Variants in CDK14 observed in about 807,000 individuals in gnomAD.
CDK14 encodes the protein cyclin dependent kinase 14, also known as cyclin-dependent kinase 14.
In CDK14, 34 loss-of-function variants were observed where a neutral mutation model predicts 60.7. The ratio of observed to expected loss-of-function variants is 0.56; its 90% confidence interval spans 0.43 to 0.75. The LOEUF is 0.75. Among genes scored for constraint, CDK14 ranks in the 30% least tolerant of loss-of-function variants. The pLI, the probability that CDK14 is intolerant of heterozygous loss-of-function variation, is 0.00. For synonymous variants in CDK14, 197 were observed against 203.7 expected (o/e 0.97, Z 0.28); for missense variants, 482 against 564.1 (o/e 0.85, Z 1.47).
intron 2 of CDK14, among the ~76,000 whole-genome samples, chr7:90,692,105 C>T (rs1434638066): frequency 1.3e-5 from 2 of 152,122 alleles, no homozygotes; most frequent in Admixed American, 6.6e-5. Flanking sequence ...CTCCAATCTG[C>T]GAAATACATA....
At chr7:91,170,661 TGAA>T (rs766268435) in intron 14 of CDK14, among the ~76,000 whole-genome samples, 8 of 152,078 alleles carry the variant, frequency 5.3e-5, no homozygotes, top group Non-Finnish European at 1.2e-4. Flanking sequence ...TTATTTACAA[TGAA>T]GAATACCAAA....
At chr7:90,769,569 C>T (rs1468351854) in intron 4 of CDK14, among the ~76,000 whole-genome samples, 4 of 151,316 alleles carry the variant, frequency 2.6e-5, no homozygotes, top group Non-Finnish European at 4.4e-5. Context: ...TGGGTTTAAG[C>T]GATTCTCCTG....
chr7:91,194,402 A>G (rs941717586), intron 14 of CDK14, among the ~76,000 whole-genome samples: 56 of 152,218 alleles, frequency 3.7e-4, no homozygotes, highest in Admixed American at 3.6e-3. Flanking sequence ...GAATAAAACT[A>G]AAACAGCTTA....
intron 8 of CDK14, among the ~76,000 whole-genome samples, chr7:90,942,098 T>C (rs1793953466): frequency 6.6e-6 from 1 of 152,176 alleles, no homozygotes; most frequent in South Asian, 2.1e-4. Context: ...AGTGCTCTGC[T>C]CGGAGCTTAG....
rs139402483 is a variant in CDK14, at chr7:90,881,257, G to T, written c.639+17988G>T. On this transcript the variant is annotated intron_variant, in intron 6 of 14. Transcript: ENST00000380050. ...GTTTAGGGAGGAACATAAACGACCT[G>T]ATGGAGCTGAAAAACACCTCATGAG... 2.0e-5 allele frequency among the ~76,000 whole-genome samples: 3 copies of T among 152,300 alleles called. No individual in the cohort carries two copies. The East Asian group carries it at 5.8e-4, about 29-fold the overall frequency.
intron 14 of CDK14, among the ~76,000 whole-genome samples, chr7:91,173,409 A>C (rs938556443): frequency 6.6e-6 from 1 of 151,142 alleles, no homozygotes; most frequent in Non-Finnish European, 1.5e-5. Context: ...GCCTGGGCAA[A>C]AGAGTAAGAC....
intron 5 of CDK14, among the ~76,000 whole-genome samples, chr7:90,799,211 T>C (rs1487783400): frequency 6.6e-6 from 1 of 152,180 alleles, no homozygotes; most frequent in Non-Finnish European, 1.5e-5. Context: ...AAATTTAAAT[T>C]AAAATGGTAG....
At chr7:90,646,725 A>G (rs1051214466) in intron 2 of CDK14, among the ~76,000 whole-genome samples, 1 of 152,166 alleles carries the variant, frequency 6.6e-6, no homozygotes, top group Admixed American at 6.6e-5. Flanking sequence ...CAGCATGTAT[A>G]TAGATCCAAC....
chr7:90,883,869 C>T (rs895082022), intron 6 of CDK14, among the ~76,000 whole-genome samples: 1 of 152,264 alleles, frequency 6.6e-6, no homozygotes, highest in East Asian at 1.9e-4. Flanking sequence ...GCAGAAAAGG[C>T]CTTTGATGAA....
At chr7:91,087,813 C>CTT (rs200149353) in intron 12 of CDK14, among the ~76,000 whole-genome samples, 1 of 147,406 alleles carries the variant, frequency 6.8e-6, no homozygotes, top group Admixed American at 6.7e-5. Flanking sequence ...GTCACCAAAA[C>CTT]TTTTTTTTTT....
intron 2 of CDK14, among the ~76,000 whole-genome samples, chr7:90,725,249 C>A (rs549630940): frequency 1.3e-5 from 2 of 152,040 alleles, no homozygotes; most frequent in Non-Finnish European, 2.9e-5. Context: ...CTAATCTTGC[C>A]CGTTCAATTC....
At chr7:90,991,798 T>C (rs1795545030) in intron 10 of CDK14, among the ~76,000 whole-genome samples, 1 of 152,122 alleles carries the variant, frequency 6.6e-6, no homozygotes, top group African/African-American at 2.4e-5. Context: ...CTCCTTGATG[T>C]TTTGGTGATG....
At chr7:90,637,825 G>A (rs554798622) in intron 2 of CDK14, among the ~76,000 whole-genome samples, 1 of 144,728 alleles carries the variant, frequency 6.9e-6, no homozygotes, top group Non-Finnish European at 1.5e-5. Context: ...CTCCTGTATT[G>A]GGTGCATATA....
intron 8 of CDK14, among the ~76,000 whole-genome samples, chr7:90,954,273 TAAG>T (rs1794342833): frequency 6.6e-6 from 1 of 152,056 alleles, no homozygotes; most frequent in Non-Finnish European, 1.5e-5. Flanking sequence ...ATTTAATAAA[TAAG>T]AAAAAGCCAT....
rs528006167 is a variant in CDK14 at position 90,863,104 on chromosome 7, A to G, written c.545-71A>G. 7.7e-5 allele frequency: 60 copies of G among 780,026 alleles called. No homozygotes were observed. The South Asian group carries it at 1.0e-3, about 13-fold the overall frequency. The allele number at this position is 780,026 out of a possible 1,614,324, so 48.3% of individuals were successfully genotyped here. ...ATATCTCTCATCTGACAGTGTGCCA[A>G]AATTATAATGGTATATATTAGTTGA... On this transcript the variant is annotated intron_variant, in intron 5 of 14. Transcript: ENST00000380050.
chr7:90,899,150 C>T (rs1005286389), intron 6 of CDK14, 141 bp from the exon 7 acceptor site: 1 of 546,288 alleles, frequency 1.8e-6, no homozygotes, highest in Non-Finnish European at 3.1e-6. Context: ...GGAGGCATGC[C>T]ACTACATACA....
chr7:90,937,679 C>G (rs11971034), intron 8 of CDK14, among the ~76,000 whole-genome samples: 81,945 of 151,980 alleles, frequency 0.54, 22,574 homozygotes, highest in East Asian at 0.7. Flanking sequence ...CATGAAGTCT[C>G]TGTTGCAACT....
intron 11 of CDK14, among the ~76,000 whole-genome samples, chr7:91,067,289 A>C (rs1798009628): frequency 6.6e-6 from 1 of 152,246 alleles, no homozygotes; most frequent in Non-Finnish European, 1.5e-5. Context: ...TATTCTAATT[A>C]TAAATGTCAT....
intron 14 of CDK14, among the ~76,000 whole-genome samples, chr7:91,151,884 A>G (rs1296710995): frequency 6.6e-6 from 1 of 152,218 alleles, no homozygotes; most frequent in Non-Finnish European, 1.5e-5. Context: ...CCAAAACAGA[A>G]AAGTGAGGTA....
Sources: gnomAD v4.1 joint callset for allele counts (sites outside exome capture counted in the v4.1 genomes callset) on GRCh38, gnomAD v4.1.1 for gene constraint, MANE v1.5 for transcripts, NCBI Gene and HGNC (gene_info 2026-07-23, HGNC 2026-07-21) for gene names.